The following MBP variants were observed in gnomAD, a reference collection of about 807,000 sequenced individuals.
MBP encodes the protein myelin basic protein.
A neutral mutation model predicts 35.8 loss-of-function variants in MBP; 16 were observed. The ratio of observed to expected loss-of-function variants is 0.45; its 90% CI spans 0.30 to 0.68. MBP has a LOEUF of 0.68. Ranked by LOEUF, MBP falls within the 30% of genes least tolerant of loss-of-function variation. The pLI is 0.08. For missense variants in MBP, 380 were observed against 404.7 expected, an observed-to-expected ratio of 0.94 and a Z score of 0.52; for synonymous variants, 143 against 159.6, an observed-to-expected ratio of 0.90 and a Z score of 0.78.
chr18:77,068,461 C>T (rs1179322036), intron 2 of MBP, among the ~76,000 whole-genome samples: 2 of 152,184 alleles, frequency 1.3e-5, no homozygotes, highest in African/African-American at 2.4e-5. Context: ...ACCACACATC[C>T]GCCTGCATTT....
At chr18:77,003,631 A>AT (rs926594042) in intron 4 of MBP, 39 of 152,212 alleles carry the variant, frequency 2.6e-4, no homozygotes, top group Middle Eastern at 3.4e-3. Context: ...ATTTGATATA[A>AT]TTTTTTTCTT....
intron 2 of MBP, among the ~76,000 whole-genome samples, chr18:77,080,847 T>G (rs1974867612): frequency 6.6e-6 from 1 of 152,050 alleles, no homozygotes; most frequent in Non-Finnish European, 1.5e-5. Context: ...CACGCCCAGC[T>G]AACTGTTGTA....
intron 2 of MBP, among the ~76,000 whole-genome samples, chr18:77,096,164 G>A (rs1232929298): frequency 6.6e-6 from 1 of 152,248 alleles, no homozygotes; most frequent in Non-Finnish European, 1.5e-5. Flanking sequence ...ACATTTCACA[G>A]CTGGGCTGTC....
At chr18:77,103,706 T>C in intron 2 of MBP, among the ~76,000 whole-genome samples, 1 of 152,280 alleles carries the variant, frequency 6.6e-6, no homozygotes, top group Non-Finnish European at 1.5e-5. Context: ...TCTGAAACAA[T>C]TCTCTAGTGT....
chr18:77,054,558 C>CA (rs1973645673), intron 3 of MBP, among the ~76,000 whole-genome samples: 1 of 152,218 alleles, frequency 6.6e-6, no homozygotes, highest in East Asian at 1.9e-4. Flanking sequence ...CACTTAATCA[C>CA]CCAGGTGGGC....
chr18:77,069,568 A>T (rs1159466894), intron 2 of MBP, among the ~76,000 whole-genome samples: 1 of 152,196 alleles, frequency 6.6e-6, no homozygotes, highest in Non-Finnish European at 1.5e-5. Flanking sequence ...TTCTCACCGG[A>T]GAGTAGAACA....
chr18:77,058,884 G>A (rs1330480318), intron 3 of MBP, among the ~76,000 whole-genome samples: 120 of 152,178 alleles, frequency 7.9e-4, no homozygotes, highest in Admixed American at 3.3e-4. Context: ...GTTTCCAAAT[G>A]TCATCAAAAT....
chr18:77,063,233 C>T (rs1045345962), intron 3 of MBP, among the ~76,000 whole-genome samples: 2 of 152,298 alleles, frequency 1.3e-5, no homozygotes, highest in African/African-American at 4.8e-5. Flanking sequence ...CACTCTGCGC[C>T]TTTAGAGTAG....
chr18:77,066,273 T>C lies in MBP; in HGVS notation c.139+25A>G, dbSNP rs769720801. 7.6e-6 allele frequency: 12 copies of C among 1,582,660 alleles called. No homozygotes were observed. In the South Asian group the frequency reaches 1.1e-4, roughly 15 times the overall value. On this transcript the variant is annotated intron_variant, in intron 3 of 8. Transcript: ENST00000355994. Reference sequence around the variant, plus strand: ...TGCACGCTGTCACCATGTGGCGCCATGTTGCCGATATCTGCGTCACCTACC... The same window carrying C: ...TGCACGCTGTCACCATGTGGCGCCACGTTGCCGATATCTGCGTCACCTACC...
chr18:76,985,443 A>G (rs1969494932), intron 7 of MBP: 7 of 1,196,556 alleles, frequency 5.9e-6, no homozygotes, highest in Non-Finnish European at 6.3e-6. Context: ...TGGGAGATCA[A>G]GAGTCCTCGG....
intron 1 of MBP, among the ~76,000 whole-genome samples, chr18:77,120,398 T>C (rs1393579805): frequency 6.6e-6 from 1 of 152,190 alleles, no homozygotes; most frequent in Admixed American, 6.5e-5. Flanking sequence ...CACTCAGGCA[T>C]TCAGACCTGC....
At chr18:77,051,592 G>C (rs150241646) in intron 3 of MBP, among the ~76,000 whole-genome samples, 1 of 152,156 alleles carries the variant, frequency 6.6e-6, no homozygotes, top group Non-Finnish European at 1.5e-5. Context: ...TGAAGGACCC[G>C]ATTTTCACTG....
At chr18:77,096,079 T>TA (rs1975746560) in intron 2 of MBP, among the ~76,000 whole-genome samples, 1 of 152,250 alleles carries the variant, frequency 6.6e-6, no homozygotes. Context: ...GCACGTAGGA[T>TA]AAAATGTTGC....
intron 4 of MBP, among the ~76,000 whole-genome samples, chr18:76,997,395 C>G (rs3794851): frequency 0.032 from 4,815 of 152,312 alleles, 87 homozygotes; most frequent in South Asian, 0.048. Context: ...GCTTCTGGTT[C>G]CTCGCGGGTG....
Position 76,988,268 on chromosome 18 carries a change from T to A in MBP, c.750+227A>T, listed in dbSNP as rs947005923. On this transcript the variant is annotated intron_variant, in intron 7 of 8. Coordinates refer to ENST00000355994, the MANE Select transcript of MBP (RefSeq NM_001025101.2). This position sits in a 1 kb window ranked among gnomAD's most constrained non-coding sequence, Gnocchi z 5.2. ...AGAAGAGGATCTGGCCTTGCAGGGC[T>A]GGGTCCCCGGCACAGAAGCAAGAGA... 3.9e-6 allele frequency: 6 copies of A among 1,550,758 alleles called. No individual in the cohort carries two copies. The African/African-American group carries it at 5.5e-5, about 14-fold the overall frequency.
At chr18:77,048,343 G>A (rs1009682066) in intron 3 of MBP, among the ~76,000 whole-genome samples, 5 of 152,228 alleles carry the variant, frequency 3.3e-5, no homozygotes, top group East Asian at 1.9e-4. Context: ...AGGATGTGGC[G>A]GTGGAAGGAA....
chr18:77,105,614 T>C (rs1297606918), intron 1 of MBP, among the ~76,000 whole-genome samples: 1 of 152,248 alleles, frequency 6.6e-6, no homozygotes, highest in Non-Finnish European at 1.5e-5. Flanking sequence ...CATCTATCCA[T>C]TCATACCTAT....
chr18:77,046,453 T>G (rs778232633), intron 3 of MBP, among the ~76,000 whole-genome samples: 25 of 152,250 alleles, frequency 1.6e-4, no homozygotes, highest in Non-Finnish European at 3.1e-4. Context: ...ACAGTTAGGC[T>G]GAGGCACAGG....
intron 2 of MBP, among the ~76,000 whole-genome samples, chr18:77,080,840 G>A (rs987989659): frequency 6.6e-6 from 1 of 151,928 alleles, no homozygotes; most frequent in Non-Finnish European, 1.5e-5. Flanking sequence ...TCGCCACCAC[G>A]CCCAGCTAAC....
Sources: allele counts gnomAD v4.1 joint callset (sites outside exome capture counted in the v4.1 genomes callset), GRCh38; gene constraint gnomAD v4.1.1; non-coding constraint Gnocchi (gnomAD v3.1); transcripts MANE v1.5; gene names NCBI Gene and HGNC (gene_info 2026-07-23, HGNC 2026-07-21).